Variants in SLC26A5 observed in about 807,000 individuals in gnomAD.
The protein encoded by SLC26A5 is solute carrier family 26 member 5, also known as prestin.
A neutral mutation model predicts 81.0 loss-of-function variants in SLC26A5; 51 were observed. The ratio of observed to expected loss-of-function variants is 0.63; its 90% CI spans 0.50 to 0.80. SLC26A5 has a LOEUF of 0.80. Ranked by LOEUF, SLC26A5 falls within the 30% of genes least tolerant of loss-of-function variation. The pLI, the probability that SLC26A5 is intolerant of heterozygous loss-of-function variation, is 0.00. For synonymous variants in SLC26A5, 325 were observed against 332.8 expected (o/e 0.98, Z 0.25); for missense variants, 771 against 905.8 (o/e 0.85, Z 1.91).
At chr7:103,410,922 C>T (rs1360349802) in intron 6 of SLC26A5, among the ~76,000 whole-genome samples, 1 of 152,158 alleles carries the variant, frequency 6.6e-6, no homozygotes, top group Non-Finnish European at 1.5e-5. Context: ...AGCCACCGCG[C>T]CCAGCCTCTG....
chr7:103,390,386 C>G, intron 12 of SLC26A5, 43 bp downstream of exon 12: 1 of 1,524,278 alleles, frequency 6.6e-7, no homozygotes, highest in Non-Finnish European at 9.1e-7. Flanking sequence ...AGCAAAATCT[C>G]TACACATGAA....
intron 19 of SLC26A5, among the ~76,000 whole-genome samples, chr7:103,361,669 C>G (rs942430272): frequency 2.6e-5 from 4 of 151,962 alleles, no homozygotes; most frequent in African/African-American, 9.7e-5. Flanking sequence ...AGGAGCATCA[C>G]TAATAATAAA....
chr7:103,365,912 A>G (rs1820695125), intron 19 of SLC26A5, among the ~76,000 whole-genome samples: 1 of 152,224 alleles, frequency 6.6e-6, no homozygotes, highest in African/African-American at 2.4e-5. Context: ...TGGGCGACAG[A>G]GGAAGACTCC....
rs1056144718 is a variant in SLC26A5 at position 103,389,442 on chromosome 7, C to A, written c.1312-18G>T. 1 of 1,572,632 alleles carries A rather than the reference C, an allele frequency of 6.4e-7. No homozygotes were observed. Among genetic ancestry groups the A allele is most frequent in the East Asian group, 2.2e-5 (1 of 44,658 alleles). On this transcript the variant is annotated intron_variant, in intron 12 of 19. Coordinates refer to ENST00000306312, the MANE Select transcript of SLC26A5 (RefSeq NM_198999.3). ...AGCACAGCCTGAAACAGAGCACATC[C>A]CCCATGCCTCTCCTCTTGTGTCCAC...
At chr7:103,427,672 G>A (rs1412809178) in intron 2 of SLC26A5, among the ~76,000 whole-genome samples, 1 of 152,114 alleles carries the variant, frequency 6.6e-6, no homozygotes, top group Non-Finnish European at 1.5e-5. Context: ...TGGTTTTGTG[G>A]TAGATGCTCT....
intron 8 of SLC26A5, among the ~76,000 whole-genome samples, chr7:103,398,796 G>A (rs1823351679): frequency 6.6e-6 from 1 of 152,150 alleles, no homozygotes; most frequent in African/African-American, 2.4e-5. Context: ...GAGGGCCACT[G>A]CAGGAAACAA....
chr7:103,408,530 T>C (rs918187998), intron 7 of SLC26A5, among the ~76,000 whole-genome samples: 2 of 152,178 alleles, frequency 1.3e-5, no homozygotes, highest in Non-Finnish European at 2.9e-5. Context: ...CCCAGCCTTA[T>C]AGTTATTCTT....
chr7:103,401,084 C>G (rs577780214), intron 8 of SLC26A5, among the ~76,000 whole-genome samples: 1 of 152,232 alleles, frequency 6.6e-6, no homozygotes, highest in Non-Finnish European at 1.5e-5. Flanking sequence ...GTAGTTTTTT[C>G]TAATTCTGTG....
Position 103,374,286 on chromosome 7 carries a change from T to C in SLC26A5, c.*113A>G. 6.6e-7 allele frequency: 1 copy of C among 1,524,398 alleles called. No individual in the cohort carries two copies. Among genetic ancestry groups the C allele is most frequent in the Non-Finnish European group, 8.8e-7 (1 of 1,136,680 alleles). The allele number at this position is 1,524,398 out of a possible 1,614,324, so 94.4% of individuals were successfully genotyped here. A position where few individuals can be genotyped will look rare whatever the true frequency, so the allele number is the denominator to read the frequency against. On this transcript the variant is annotated 3_prime_UTR_variant, in exon 20 of 20. Coordinates refer to ENST00000306312, the MANE Select transcript of SLC26A5 (RefSeq NM_198999.3). ...CGTCATTCACCCTCCAAATCAAGCC[T>C]GGACTACTAGTATTCACCCTTAGAA...
chr7:103,439,391 G>A (rs2116858675), intron 2 of SLC26A5, among the ~76,000 whole-genome samples: 1 of 152,304 alleles, frequency 6.6e-6, no homozygotes, highest in South Asian at 2.1e-4. Context: ...GTATCCCACT[G>A]AAAAGGGGCC....
chr7:103,369,801 G>A (rs775190571), downstream of SLC26A5, among the ~76,000 whole-genome samples: 9 of 152,100 alleles, frequency 5.9e-5, no homozygotes, highest in African/African-American at 1.2e-4. Context: ...AAAATATACC[G>A]TAGAATCCTG....
In SLC26A5 at chr7:103,420,740, T is replaced by C; in HGVS notation, c.290A>G (p.Gln97Arg). 1.2e-6 allele frequency: 2 copies of C among 1,614,050 alleles called. No homozygotes were observed. Among genetic ancestry groups the C allele is most frequent in the Non-Finnish European group, 1.7e-6 (2 of 1,179,990 alleles). Residue 97 changes from glutamine to arginine, a missense_variant and splice_region_variant, in exon 4 of 20, where the codon CAA becomes CGA. Coordinates refer to ENST00000306312, the MANE Select transcript of SLC26A5 (RefSeq NM_198999.3). ...GISTGVLQLP[Q>R]GLAFAMLAAV... ...GAAAGAAAGAAAGATCTACTGACCT[T>C]GAGGAAGCTGAAGCACCCCTGTGCT...
At chr7:103,360,391 C>A (rs933861763) in intron 19 of SLC26A5, among the ~76,000 whole-genome samples, 3 of 151,736 alleles carry the variant, frequency 2.0e-5, no homozygotes, top group Admixed American at 6.6e-5. Context: ...GGGTATAATT[C>A]TTCTTCCCTA....
At position 103,410,369 on chromosome 7, in the gene SLC26A5, G is replaced by A. The variant is rs367835598; in HGVS notation, c.735+16C>T. The A allele has an allele frequency of 3.1e-5, 49 of 1,606,234 alleles. No homozygotes were observed. In the African/African-American group the frequency reaches 5.4e-4, roughly 18 times the overall value. ...AAAGAGAAAAGTACCAGAACGTCAG[G>A]TAGTTTCTTACTTACATACACCACG... On this transcript the variant is annotated intron_variant, in intron 7 of 19. Coordinates refer to ENST00000306312, the MANE Select transcript of SLC26A5 (RefSeq NM_198999.3).
intron 2 of SLC26A5, among the ~76,000 whole-genome samples, chr7:103,438,781 C>T (rs988196693): frequency 1.3e-5 from 2 of 152,146 alleles, no homozygotes; most frequent in African/African-American, 4.8e-5. Flanking sequence ...TGTCCCTACC[C>T]AGTCAATCTC....
chr7:103,370,508 CAG>C (rs1006514049), downstream of SLC26A5, among the ~76,000 whole-genome samples: 155 of 152,244 alleles, frequency 1.0e-3, 4 homozygotes, highest in Non-Finnish European at 3.1e-4. Flanking sequence ...AGTGTACACT[CAG>C]AGGCTGGTAC....
chr7:103,362,283 A>G (rs778410246), intron 19 of SLC26A5: 26 of 1,397,856 alleles, frequency 1.9e-5, no homozygotes, highest in Admixed American at 9.8e-5. Flanking sequence ...TGACTCCCCT[A>G]CTCCCACTGT....
intron 8 of SLC26A5, among the ~76,000 whole-genome samples, chr7:103,405,298 G>T (rs1041895974): frequency 7.2e-5 from 11 of 152,112 alleles, no homozygotes; most frequent in African/African-American, 2.7e-4. Flanking sequence ...TTTTGCATTG[G>T]TTTTTCCTCA....
At position 103,391,705 on chromosome 7, in the gene SLC26A5, T is replaced by G. The variant is rs757765693; in HGVS notation, c.1150A>C (p.Ile384Leu). 6.3e-5 allele frequency: 101 copies of G among 1,613,886 alleles called. No homozygotes were observed. The highest frequency in any genetic ancestry group is 7.1e-5 in the Non-Finnish European group (84 of 1,180,004). Reference protein sequence around the residue: ...ELIALGLCNSIGSLFQTFSIS... With the variant: ...ELIALGLCNSLGSLFQTFSIS... Reference sequence around the variant, plus strand: ...GAAAAGGTCTGGAAGAGTGAGCCAATGGAATTGCACAGTCCCAGGGCAATG... The same window carrying G: ...GAAAAGGTCTGGAAGAGTGAGCCAAGGGAATTGCACAGTCCCAGGGCAATG... The change falls in exon 11 of 20, where the codon ATT becomes CTT. Residue 384 changes from isoleucine to leucine, a missense_variant. Physicochemically the swap from Ile to Leu is conservative, Grantham distance 5 (BLOSUM62 2). Coordinates refer to ENST00000306312, the MANE Select transcript of SLC26A5 (RefSeq NM_198999.3).
Sources: gnomAD v4.1 joint callset for allele counts (sites outside exome capture counted in the v4.1 genomes callset) on GRCh38, gnomAD v4.1.1 for gene constraint, MANE v1.5 for transcripts, NCBI Gene and HGNC (gene_info 2026-07-23, HGNC 2026-07-21) for gene names.